ANKRD44: variants seen among roughly 807,000 people sequenced by gnomAD.
ANKRD44 encodes ankyrin repeat domain 44, also known as serine/threonine-protein phosphatase 6 regulatory ankyrin repeat subunit B.
A neutral mutation model predicts 116.0 loss-of-function variants in ANKRD44; 35 were observed. That is an observed-to-expected ratio of 0.30 (90% CI 0.23 to 0.40). The LOEUF (loss-of-function observed/expected upper bound fraction) is 0.40, where lower values mean the gene tolerates loss of function less well. ANKRD44 is among the 10% of genes least tolerant of loss of function. ANKRD44 has a pLI of 1.00. For synonymous variants in ANKRD44, 435 were observed against 461.8 expected (o/e 0.94, Z 0.74); for missense variants, 1,014 against 1,242.6 (o/e 0.82, Z 2.77).
intron 16 of ANKRD44, among the ~76,000 whole-genome samples, chr2:197,054,766 A>G (rs2125026251): frequency 6.6e-6 from 1 of 152,292 alleles, no homozygotes; most frequent in South Asian, 2.1e-4. Flanking sequence ...TAGAATAATA[A>G]TCCTAGTAAC....
At chr2:197,091,329 AAGG>A (rs1276563873) in intron 10 of ANKRD44, among the ~76,000 whole-genome samples, 4 of 152,166 alleles carry the variant, frequency 2.6e-5, no homozygotes, top group Non-Finnish European at 5.9e-5. Context: ...TCCTTCCAGC[AAGG>A]AGTTGAGAGT....
intron 27 of ANKRD44, 108 bp from the exon 28 acceptor site, chr2:196,989,757 T>C: frequency 6.7e-7 from 1 of 1,501,348 alleles, no homozygotes; most frequent in Non-Finnish European, 8.9e-7. Flanking sequence ...CTGCTTTCAC[T>C]TTTTTTGTTC....
intron 17 of ANKRD44, 27 bp downstream of exon 17, chr2:197,025,169 T>G (rs375095929): frequency 1.1e-5 from 18 of 1,597,884 alleles, no homozygotes; most frequent in Middle Eastern, 3.3e-4. Flanking sequence ...TTGTAACAGG[T>G]GAAGCTGCTC....
chr2:197,147,555 G>T (rs1157838090), intron 2 of ANKRD44, among the ~76,000 whole-genome samples: 1 of 151,996 alleles, frequency 6.6e-6, no homozygotes, highest in South Asian at 2.1e-4. Flanking sequence ...CATAACTGTG[G>T]TCATTTTCTC....
intron 1 of ANKRD44, among the ~76,000 whole-genome samples, chr2:197,225,480 AT>A (rs560253627): frequency 6.1e-4 from 93 of 152,208 alleles, no homozygotes; most frequent in African/African-American, 2.1e-3. Context: ...AGTAGCTGGG[AT>A]TACAGGTTCC....
At chr2:197,196,693 T>C (rs1157442019) in intron 1 of ANKRD44, among the ~76,000 whole-genome samples, 1 of 152,230 alleles carries the variant, frequency 6.6e-6, no homozygotes, top group African/African-American at 2.4e-5. Flanking sequence ...TCATTCATGA[T>C]TTAGGCAACT....
At position 197,099,911 on chromosome 2, in the gene ANKRD44, C is replaced by T. The variant is rs1215553417; in HGVS notation, c.1005G>A (p.Val335=). 2 of 1,614,092 alleles carry T rather than the reference C, an allele frequency of 1.2e-6. No homozygotes were observed. Among genetic ancestry groups the T allele is most frequent in the Admixed American group, 1.7e-5 (1 of 60,022 alleles). The part of the protein sequence containing the change: ...LIQNGGEIDC[V]DKDGNTPLHV... ...GGAGAGGAGTGTTGCCGTCCTTATC[C>T]ACACAGTCAATTTCACCTCCTGAAA... is the stretch of plus-strand genomic sequence containing the variant. The change falls in exon 10 of 28, where the codon GTG becomes GTA. Residue 335 remains valine, a synonymous_variant. Transcript: ENST00000282272.
rs767277342 is a variant in ANKRD44, at chr2:197,126,011, G to C, written c.288C>G (p.His96Gln). The C allele has an allele frequency of 6.2e-7, 1 of 1,614,076 alleles. No homozygotes were observed. The highest frequency in any genetic ancestry group is 8.5e-7 in the Non-Finnish European group (1 of 1,180,050). The part of the protein sequence containing the change: ...SEEAVQVLIK[H>Q]SADVNARDKN... ...TGTCCCTTGCATTGACATCAGCTGA[G>C]TGCTTAATCAAAACCTGTACTGCTT... The change falls in exon 5 of 28, where the codon CAC becomes CAG. Residue 96 changes from histidine to glutamine, a missense_variant. By Grantham distance (24) the His-to-Gln change is conservative. Coordinates refer to ENST00000282272, the MANE Select transcript of ANKRD44 (RefSeq NM_001195144.2).
intron 2 of ANKRD44, among the ~76,000 whole-genome samples, chr2:197,171,527 A>T (rs1162207805): frequency 6.6e-6 from 1 of 152,226 alleles, no homozygotes; most frequent in African/African-American, 2.4e-5. Flanking sequence ...AAATTCAGTG[A>T]AACAGGAGAA....
chr2:196,971,819 TGTG>T (rs1383083079), intron 21 of ANKRD44, among the ~76,000 whole-genome samples: 3 of 152,164 alleles, frequency 2.0e-5, no homozygotes, highest in Non-Finnish European at 4.4e-5. Context: ...GCAAGGAGTC[TGTG>T]AGCCAAAGGG....
chr2:197,231,968 A>T (rs535969996), intron 1 of ANKRD44, among the ~76,000 whole-genome samples: 1 of 152,308 alleles, frequency 6.6e-6, no homozygotes, highest in East Asian at 1.9e-4. Context: ...CATGTCGAAT[A>T]AGTGGATGGA....
rs552958810 is a variant in ANKRD44, at chr2:196,987,212, C to T, written c.*2379G>A. 1 of 985,180 alleles carries T rather than the reference C, an allele frequency of 1.0e-6. No individual in the cohort carries two copies. Among genetic ancestry groups the T allele is most frequent in the African/African-American group, 1.7e-5 (1 of 57,204 alleles). The allele number at this position is 985,180 out of a possible 1,614,324, so 61.0% of individuals were successfully genotyped here. A position where few individuals can be genotyped will look rare whatever the true frequency, so the allele number is the denominator to read the frequency against. On this transcript the variant is annotated 3_prime_UTR_variant, in exon 28 of 28. Transcript: ENST00000282272. The stretch of plus-strand genomic sequence containing the variant: ...GTTTCGTAAGACGAAAGCATTTTAG[C>T]ACTGCAAAATCAAACAATTCCTATA...
chr2:197,009,010 C>T lies in ANKRD44; in HGVS notation c.1946G>A (p.Cys649Tyr). 1 of 1,614,140 alleles carries T rather than the reference C, an allele frequency of 6.2e-7. No individual in the cohort carries two copies. The highest frequency in any genetic ancestry group is 1.3e-5 in the African/African-American group (1 of 75,058). ...TGCAATTTCTAGCAACAGCCGTAAA[C>T]ACAGTGTGTGACCATTAATTACTGA... ...HASVINGHTL[C>Y]LRLLLEIADN... The change falls in exon 19 of 28, where the codon TGT (cysteine) becomes TAT (tyrosine). Residue 649 changes from cysteine (C) to tyrosine (Y), a missense_variant. Cys to Tyr is a radical substitution (Grantham distance 194). Coordinates refer to ENST00000282272, the MANE Select transcript of ANKRD44 (RefSeq NM_001195144.2).
chr2:197,125,973 G>C lies in ANKRD44; in HGVS notation c.326C>G (p.Thr109Ser). 1 of 1,614,202 alleles carries C rather than the reference G, an allele frequency of 6.2e-7. No individual in the cohort carries two copies. Among genetic ancestry groups the C allele is most frequent in the Non-Finnish European group, 8.5e-7 (1 of 1,180,048 alleles). ...GTTGGCTGCTGCCACATGAAGAGGG[G>C]TCTGCCAGTTCTTGTCCCTTGCATT... The part of the protein sequence containing the change: ...DVNARDKNWQ[T>S]PLHVAAANKA... Residue 109 changes from threonine to serine, a missense_variant, in exon 5 of 28, where the codon ACC (threonine) becomes AGC (serine). By Grantham distance (58) the Thr-to-Ser change is moderately conservative. Transcript: ENST00000282272.
intron 1 of ANKRD44, among the ~76,000 whole-genome samples, chr2:197,290,473 T>C (rs2083532077): frequency 6.6e-6 from 1 of 152,134 alleles, no homozygotes; most frequent in South Asian, 2.1e-4. Flanking sequence ...TTTCCTGGTG[T>C]CAAAGAAAAG....
intron 1 of ANKRD44, among the ~76,000 whole-genome samples, chr2:197,248,501 G>A (rs1449270644): frequency 6.6e-6 from 1 of 150,690 alleles, no homozygotes; most frequent in African/African-American, 2.4e-5. Flanking sequence ...GATCATGTAA[G>A]TTGATTCCTT....
Position 197,273,983 on chromosome 2 carries a change from ATATATATATATATATATATAT to A in ANKRD44, c.27+36574_27+36594del, listed in dbSNP as rs2082993212. 2.8e-4 allele frequency among the ~76,000 whole-genome samples: 8 copies of A among 28,248 alleles called. 2 individuals are homozygous for A. In the South Asian group the frequency reaches 5.4e-3, roughly 19 times the overall value. 18.5% of individuals were successfully genotyped at this position (28,248 alleles called of 152,430 possible). A position where few individuals can be genotyped will look rare whatever the true frequency, so the allele number is the denominator to read the frequency against. Reference sequence around the variant, plus strand: ...CACAAAAAAAAAAAAAAAAAAAAATATATATATATATATATATATATATATATATATATATATATATATATG... The same window carrying A: ...CACAAAAAAAAAAAAAAAAAAAAATAATATATATATATATATATATATATG... On this transcript the variant is annotated intron_variant, in intron 1 of 27. Transcript: ENST00000282272.
chr2:197,155,302 G>A (rs953088068), intron 2 of ANKRD44, among the ~76,000 whole-genome samples: 6 of 152,204 alleles, frequency 3.9e-5, no homozygotes, highest in Admixed American at 3.9e-4. Context: ...CTAGTAAGTG[G>A]TAAAACCAAG....
At chr2:197,259,931 AAAAG>A (rs1014616102) in intron 1 of ANKRD44, among the ~76,000 whole-genome samples, 2 of 152,308 alleles carry the variant, frequency 1.3e-5, no homozygotes, top group South Asian at 2.1e-4. Flanking sequence ...GGGGGAAAAA[AAAAG>A]AAAGAAAGAA....
Sources: gnomAD v4.1 joint callset for allele counts (sites outside exome capture counted in the v4.1 genomes callset) on GRCh38, gnomAD v4.1.1 for gene constraint, MANE v1.5 for transcripts, NCBI Gene and HGNC (gene_info 2026-07-23, HGNC 2026-07-21) for gene names.